Variants in SLIT2 observed in about 807,000 individuals in gnomAD.
The protein encoded by SLIT2 is slit guidance ligand 2, also known as slit homolog 2 protein.
In SLIT2, 41 loss-of-function variants were observed where a neutral mutation model predicts 185.7. The ratio of observed to expected loss-of-function variants is 0.22; its 90% CI spans 0.17 to 0.29. SLIT2 has a LOEUF of 0.29. Ranked by LOEUF, SLIT2 falls within the 10% of genes least tolerant of loss-of-function variation. SLIT2 has a pLI of 1.00. For synonymous variants in SLIT2, 693 were observed against 680.2 expected (o/e 1.02, Z -0.29); for missense variants, 1,571 against 1,909.0 (o/e 0.82, Z 3.30).
chr4:20,342,686 G>T (rs1238805332), intron 4 of SLIT2, among the ~76,000 whole-genome samples: 10 of 119,340 alleles, frequency 8.4e-5, no homozygotes, highest in East Asian at 2.7e-4. Context: ...ATAGTTATTT[G>T]ATTTGATTCT....
At chr4:20,422,182 A>G (rs1187176641) in intron 4 of SLIT2, among the ~76,000 whole-genome samples, 1 of 152,162 alleles carries the variant, frequency 6.6e-6, no homozygotes, top group East Asian at 1.9e-4. Context: ...AATTGCGTGC[A>G]TTGTCAATGT....
At chr4:20,362,277 G>C (rs1325851403) in intron 4 of SLIT2, among the ~76,000 whole-genome samples, 1 of 152,132 alleles carries the variant, frequency 6.6e-6, no homozygotes, top group Non-Finnish European at 1.5e-5. Context: ...GGAGTCAGTT[G>C]TGGAGCACAG....
At chr4:20,481,688 C>CA (rs1042773833) in intron 6 of SLIT2, among the ~76,000 whole-genome samples, 20 of 151,698 alleles carry the variant, frequency 1.3e-4, no homozygotes, top group African/African-American at 4.8e-4. Flanking sequence ...CTTTTCCCCA[C>CA]AAAAAAGGAA....
chr4:20,333,075 G>T (rs1419439776), intron 4 of SLIT2, among the ~76,000 whole-genome samples: 2 of 152,070 alleles, frequency 1.3e-5, no homozygotes, highest in African/African-American at 2.4e-5. Context: ...CATGATGTAA[G>T]TTTTTTTGTG....
intron 33 of SLIT2, among the ~76,000 whole-genome samples, chr4:20,601,801 C>T (rs1156371178): frequency 6.6e-6 from 1 of 152,166 alleles, no homozygotes; most frequent in African/African-American, 2.4e-5. Flanking sequence ...GGGTGAAGTA[C>T]ATTTTCAAAT....
chr4:20,562,084 T>G (rs528105749), intron 26 of SLIT2, among the ~76,000 whole-genome samples: 1 of 151,890 alleles, frequency 6.6e-6, no homozygotes, highest in African/African-American at 2.4e-5. Context: ...GCCTTTGTGT[T>G]TTTAGCTAAC....
chr4:20,478,430 A>G (rs1716344240), intron 5 of SLIT2, among the ~76,000 whole-genome samples: 1 of 152,234 alleles, frequency 6.6e-6, no homozygotes, highest in Admixed American at 6.5e-5. Context: ...TGAAATTACC[A>G]AAGTTTCCAG....
rs770223834 is a variant in SLIT2 at position 20,480,771 on chromosome 4, C to T, written c.523C>T (p.Arg175Trp). The T allele has an allele frequency of 1.2e-5, 20 of 1,612,524 alleles. No individual in the cohort carries two copies. In the South Asian group the frequency reaches 2.0e-4, roughly 16 times the overall value. ...TGAAGATGGGGCATTCAGGGCTCTC[C>T]GGGACCTGGAAGTGCTGTAAGTACT... Reference protein sequence around the residue: ...CIEDGAFRALRDLEVLTLNNN... With the variant: ...CIEDGAFRALWDLEVLTLNNN... The change falls in exon 6 of 37, where the codon CGG becomes TGG. Residue 175 changes from arginine (R) to tryptophan (W), a missense_variant. This residue lies in a region of SLIT2 where 1,202 missense variants were observed against 1,416.4 expected (regional missense o/e 0.85). Coordinates refer to ENST00000504154, the MANE Select transcript of SLIT2 (RefSeq NM_004787.4).
intron 4 of SLIT2, among the ~76,000 whole-genome samples, chr4:20,402,255 A>G (rs1404762482): frequency 6.6e-6 from 1 of 151,910 alleles, no homozygotes; most frequent in East Asian, 1.9e-4. Context: ...CTCTTCCCCC[A>G]ACACTATTTT....
intron 4 of SLIT2, among the ~76,000 whole-genome samples, chr4:20,271,605 T>TAA (rs1311048385): frequency 6.6e-6 from 1 of 151,006 alleles, no homozygotes; most frequent in African/African-American, 2.4e-5. Flanking sequence ...TCTGTATAGG[T>TAA]TGTTCCGAGA....
At chr4:20,382,521 T>C (rs1724607615) in intron 4 of SLIT2, among the ~76,000 whole-genome samples, 1 of 152,170 alleles carries the variant, frequency 6.6e-6, no homozygotes, top group Non-Finnish European at 1.5e-5. Context: ...TTTTGTGTGC[T>C]AGCAATGTAA....
intron 4 of SLIT2, among the ~76,000 whole-genome samples, chr4:20,293,189 T>C (rs1360606778): frequency 6.6e-6 from 1 of 152,228 alleles, no homozygotes; most frequent in African/African-American, 2.4e-5. Flanking sequence ...CAAGCTGTTT[T>C]AAAGACTCTG....
chr4:20,272,269 G>A (rs1713704643), intron 4 of SLIT2, among the ~76,000 whole-genome samples: 3 of 124,160 alleles, frequency 2.4e-5, no homozygotes, highest in Admixed American at 8.9e-5. Flanking sequence ...TAGGTTGGAG[G>A]TTAAAAAAAA....
chr4:20,471,554 A>C (rs1010059176), intron 5 of SLIT2, among the ~76,000 whole-genome samples: 7 of 152,292 alleles, frequency 4.6e-5, no homozygotes, highest in Middle Eastern at 3.4e-3. Context: ...AAAAGAGAAA[A>C]AAAAGAAGCT....
Position 20,511,599 on chromosome 4 carries a change from T to TTTTTTTTTTTA in SLIT2, c.1058+466_1058+467insTTTTTTATTTT, listed in dbSNP as rs1370895657. 4.4e-4 allele frequency among the ~76,000 whole-genome samples: 63 copies of TTTTTTTTTTTA among 142,246 alleles called. No individual in the cohort carries two copies. The East Asian group carries it at 0.01, about 23-fold the overall frequency. 93.3% of individuals were successfully genotyped at this position (142,246 alleles called of 152,430 possible). ...CCACATCCAGCTAATTTTTTTTTTTTTTTTATTTTTGGTAGAGATGGAATT... is the reference window on the plus strand; with the variant it reads ...CCACATCCAGCTAATTTTTTTTTTTTTTTTTTTTTTATTTTATTTTTGGTAGAGATGGAATT... On this transcript the variant is annotated intron_variant, in intron 11 of 36. Coordinates refer to ENST00000504154, the MANE Select transcript of SLIT2 (RefSeq NM_004787.4).
rs548191311 is a variant in SLIT2, at chr4:20,431,673, C to A, written c.396-36079C>A. Among the ~76,000 whole-genome samples, 3 of 151,886 alleles carry A rather than the reference C, an allele frequency of 2.0e-5. No homozygotes were observed. The South Asian group carries it at 6.2e-4, about 31-fold the overall frequency. On this transcript the variant is annotated intron_variant, in intron 4 of 36. Coordinates refer to ENST00000504154, the MANE Select transcript of SLIT2 (RefSeq NM_004787.4). ...AGAGAGAGTGCTTTAACAAGACTTGCGAGAGTTCTTTGAAGAAAAGAAGTT... is the reference window on the plus strand; with the variant it reads ...AGAGAGAGTGCTTTAACAAGACTTGAGAGAGTTCTTTGAAGAAAAGAAGTT...
intron 4 of SLIT2, among the ~76,000 whole-genome samples, chr4:20,415,849 G>T (rs1014040895): frequency 3.9e-5 from 6 of 152,042 alleles, no homozygotes; most frequent in African/African-American, 1.4e-4. Flanking sequence ...CATAATTTTT[G>T]TTATATTATC....
chr4:20,489,138 G>A (rs959235189), intron 8 of SLIT2, 156 bp downstream of exon 8: 9 of 476,236 alleles, frequency 1.9e-5, no homozygotes, highest in Non-Finnish European at 3.2e-5. Flanking sequence ...GTGAAAATAT[G>A]TTCTGAGACC....
chr4:20,368,219 C>CAAAAAAAAAAAAAGAAAAAAAAA, intron 4 of SLIT2, among the ~76,000 whole-genome samples: 1 of 107,430 alleles, frequency 9.3e-6, no homozygotes, highest in Non-Finnish European at 1.9e-5. Flanking sequence ...CACAAAATAG[C>CAAAAAAAAAAAAAGAAAAAAAAA]AAAAAAAAAA....
Sources: gnomAD v4.1 joint callset for allele counts (sites outside exome capture counted in the v4.1 genomes callset) on GRCh38, gnomAD v4.1.1 for gene constraint, gnomAD v4.1.1 regional missense constraint, MANE v1.5 for transcripts, NCBI Gene and HGNC (gene_info 2026-07-23, HGNC 2026-07-21) for gene names.